The following SDK1 variants were observed in gnomAD, a reference collection of about 807,000 sequenced individuals.
SDK1 encodes the protein protein sidekick-1.
A neutral mutation model predicts 245.5 loss-of-function variants in SDK1; 157 were observed. The observed-to-expected ratio is 0.64, with a 90% CI of 0.56 to 0.73. SDK1 has a LOEUF of 0.73. SDK1 is among the 30% of genes least tolerant of loss of function. SDK1 has a pLI of 0.00. For synonymous variants in SDK1, 1,647 were observed against 1,278.5 expected (o/e 1.29, Z -6.15); for missense variants, 3,583 against 3,002.3 (o/e 1.19, Z -4.52).
chr7:3,587,160 G>A (rs572777299), intron 1 of SDK1, among the ~76,000 whole-genome samples: 2 of 152,296 alleles, frequency 1.3e-5, no homozygotes, highest in African/African-American at 2.4e-5. Flanking sequence ...TGTGGACCTA[G>A]GGAAAAGGAA....
intron 1 of SDK1, among the ~76,000 whole-genome samples, chr7:3,410,960 G>A (rs1779184512): frequency 6.6e-6 from 1 of 152,076 alleles, no homozygotes; most frequent in South Asian, 2.1e-4. Flanking sequence ...AGGCTTCATG[G>A]TGTAGAGGAA....
chr7:3,614,314 A>C (rs1216698532), intron 1 of SDK1, among the ~76,000 whole-genome samples: 1 of 152,198 alleles, frequency 6.6e-6, no homozygotes, highest in East Asian at 1.9e-4. Context: ...AATTTATTCT[A>C]GGGTCTTCTA....
chr7:3,795,959 T>G (rs533077339), intron 4 of SDK1, among the ~76,000 whole-genome samples: 1 of 152,314 alleles, frequency 6.6e-6, no homozygotes, highest in South Asian at 2.1e-4. Flanking sequence ...CACACAGACA[T>G]CATGAGAGTG....
intron 20 of SDK1, among the ~76,000 whole-genome samples, chr7:4,076,746 C>T (rs1780706285): frequency 6.6e-6 from 1 of 152,138 alleles, no homozygotes; most frequent in Non-Finnish European, 1.5e-5. Context: ...TGAAGCTCGC[C>T]CTGGTAGGGA....
intron 13 of SDK1, among the ~76,000 whole-genome samples, chr7:3,984,237 G>C (rs1290315505): frequency 6.6e-6 from 1 of 152,096 alleles, no homozygotes. Flanking sequence ...TCCAGGGACT[G>C]TGAGAGCTGA....
At chr7:3,637,756 C>T (rs1258962640) in intron 2 of SDK1, among the ~76,000 whole-genome samples, 1 of 152,182 alleles carries the variant, frequency 6.6e-6, no homozygotes, top group Non-Finnish European at 1.5e-5. Flanking sequence ...AAGGAAATGA[C>T]TTTTTAACCT....
chr7:3,862,693 A>T (rs79366134), intron 5 of SDK1, among the ~76,000 whole-genome samples: 8,053 of 152,132 alleles, frequency 0.053, 696 homozygotes, highest in African/African-American at 0.18. Context: ...TTCTGAAAAA[A>T]ATTTGAGCTT....
intron 5 of SDK1, among the ~76,000 whole-genome samples, chr7:3,948,340 C>G (rs1780660341): frequency 6.8e-6 from 1 of 146,768 alleles, no homozygotes; most frequent in African/African-American, 2.5e-5. Context: ...TCACTGCAAC[C>G]TCCACCTCTC....
chr7:3,448,398 A>G (rs560171453), intron 1 of SDK1, among the ~76,000 whole-genome samples: 40 of 152,092 alleles, frequency 2.6e-4, no homozygotes, highest in African/African-American at 8.7e-4. Flanking sequence ...TATTAGGGAT[A>G]TTAACTGTTT....
intron 5 of SDK1, among the ~76,000 whole-genome samples, chr7:3,881,092 C>T (rs897630140): frequency 6.6e-6 from 1 of 151,668 alleles, no homozygotes; most frequent in Non-Finnish European, 1.5e-5. Flanking sequence ...CTTTATTTTT[C>T]ATTTATTTTC....
At chr7:3,621,947 T>C (rs978768536) in intron 2 of SDK1, among the ~76,000 whole-genome samples, 1 of 152,220 alleles carries the variant, frequency 6.6e-6, no homozygotes, top group Non-Finnish European at 1.5e-5. Context: ...TTTATAGTAT[T>C]TAATAAGTCA....
intron 19 of SDK1, among the ~76,000 whole-genome samples, chr7:4,059,272 A>T (rs1779387375): frequency 6.6e-6 from 1 of 152,334 alleles, no homozygotes; most frequent in East Asian, 1.9e-4. Context: ...TTTTGTGCAA[A>T]CAGAAAGCAA....
intron 5 of SDK1, among the ~76,000 whole-genome samples, chr7:3,865,426 A>C (rs935670583): frequency 3.3e-5 from 5 of 152,346 alleles, no homozygotes; most frequent in Non-Finnish European, 5.9e-5. Flanking sequence ...CGCCATTTAC[A>C]AATATGTATG....
At chr7:4,052,035 C>T (rs577710652) in intron 19 of SDK1, among the ~76,000 whole-genome samples, 2 of 152,144 alleles carry the variant, frequency 1.3e-5, no homozygotes, top group East Asian at 1.9e-4. Context: ...GGAGGGTGGC[C>T]TTGGCTCAAG....
At chr7:3,527,488 G>A (rs1322459353) in intron 1 of SDK1, among the ~76,000 whole-genome samples, 1 of 152,224 alleles carries the variant, frequency 6.6e-6, no homozygotes, top group Non-Finnish European at 1.5e-5. Context: ...AAGAGGCCCT[G>A]AGGCTGGAGT....
At chr7:4,211,290 G>C (rs1229638826) in intron 38 of SDK1, among the ~76,000 whole-genome samples, 1 of 152,230 alleles carries the variant, frequency 6.6e-6, no homozygotes, top group East Asian at 1.9e-4. Flanking sequence ...GCTTGACAGT[G>C]AGTGACAGGT....
chr7:3,829,919 A>G (rs1014284044), intron 5 of SDK1, among the ~76,000 whole-genome samples: 11 of 152,194 alleles, frequency 7.2e-5, no homozygotes, highest in Non-Finnish European at 1.3e-4. Flanking sequence ...GTTTGGCTCA[A>G]GGGTGCAGTG....
chr7:3,853,180 T>C (rs1780460934), intron 5 of SDK1, among the ~76,000 whole-genome samples: 1 of 152,218 alleles, frequency 6.6e-6, no homozygotes, highest in African/African-American at 2.4e-5. Flanking sequence ...TGGACCCATA[T>C]TGTTTAAGGG....
At chr7:4,170,055 T>G (rs920811143) in intron 32 of SDK1, among the ~76,000 whole-genome samples, 33 of 152,184 alleles carry the variant, frequency 2.2e-4, no homozygotes, top group Admixed American at 1.4e-3. Context: ...CTTTTCCAAC[T>G]TTTCCATCCA....
Sources: allele counts gnomAD v4.1 joint callset (sites outside exome capture counted in the v4.1 genomes callset), GRCh38; gene constraint gnomAD v4.1.1; transcripts MANE v1.5; gene names NCBI Gene and HGNC (gene_info 2026-07-23, HGNC 2026-07-21).